The following AP3M1 variants were observed in gnomAD, a reference collection of about 807,000 sequenced individuals.
AP3M1 encodes the protein AP-3 complex subunit mu-1.
In AP3M1, 29 loss-of-function variants were observed where a neutral mutation model predicts 42.6. That is an observed-to-expected ratio of 0.68 (90% confidence interval 0.51 to 0.93). The LOEUF is 0.93. Among genes scored for constraint, AP3M1 ranks in the 40% least tolerant of loss-of-function variants. The pLI, the probability that AP3M1 is intolerant of heterozygous loss-of-function variation, is 0.00. For synonymous variants in AP3M1, 178 were observed against 175.3 expected (o/e 1.02, Z -0.12); for missense variants, 416 against 510.2 (o/e 0.82, Z 1.78).
In AP3M1 at chr10:74,134,022, A is replaced by G; in HGVS notation, c.583+5T>C. On this transcript the variant is annotated splice_donor_5th_base_variant and intron_variant, in intron 4 of 8. Transcript: ENST00000355264. ...CCCCAAATAAGATGACATGCACACA[A>G]TTACCTGATTTATCTATAATTGCGT... 1.9e-6 allele frequency: 3 copies of G among 1,613,700 alleles called. No individual in the cohort carries two copies. Among genetic ancestry groups the G allele is most frequent in the Non-Finnish European group, 2.5e-6 (3 of 1,179,746 alleles).
At chr10:74,147,770 G>A (rs1422904437) in intron 1 of AP3M1, among the ~76,000 whole-genome samples, 2 of 152,172 alleles carry the variant, frequency 1.3e-5, no homozygotes, top group East Asian at 1.9e-4. Context: ...GGAGGCTGAG[G>A]CGGGCAGATC....
chr10:74,144,367 C>T (rs944568560), intron 1 of AP3M1, among the ~76,000 whole-genome samples: 3 of 151,892 alleles, frequency 2.0e-5, no homozygotes, highest in Non-Finnish European at 4.4e-5. Flanking sequence ...AGAGCCCAAG[C>T]GATCCTCCCA....
At chr10:74,144,325 C>T (rs550568630) in intron 1 of AP3M1, among the ~76,000 whole-genome samples, 1 of 151,690 alleles carries the variant, frequency 6.6e-6, no homozygotes, top group East Asian at 1.9e-4. Context: ...AGTGCAGCTG[C>T]GTCATCTTGG....
intron 5 of AP3M1, 132 bp downstream of exon 5, chr10:74,129,773 ACT>A: frequency 1.5e-6 from 1 of 683,700 alleles, no homozygotes; most frequent in Non-Finnish European, 2.5e-6. Context: ...GTCTTAGGAA[ACT>A]CTGCTAGGAA....
intron 1 of AP3M1, among the ~76,000 whole-genome samples, chr10:74,139,928 A>G (rs1252470410): frequency 6.6e-6 from 1 of 151,866 alleles, no homozygotes; most frequent in Non-Finnish European, 1.5e-5. Context: ...AAAAAAAAAA[A>G]AAAATCCCAG....
At chr10:74,140,278 C>T (rs992492220) in intron 1 of AP3M1, among the ~76,000 whole-genome samples, 12 of 152,248 alleles carry the variant, frequency 7.9e-5, no homozygotes, top group African/African-American at 1.7e-4. Flanking sequence ...CCCACGTCCT[C>T]GTCTGCCTTG....
Position 74,129,998 on chromosome 10 carries a change from G to GA in AP3M1, c.584-7dup. ...TTCTGCAAAGACTGTAGATCCTGAAGAAAGAAAAAAAAAAGGAAGATAACA... is the reference window on the plus strand; with the variant it reads ...TTCTGCAAAGACTGTAGATCCTGAAGAAAAGAAAAAAAAAAGGAAGATAACA... On this transcript the variant is annotated splice_region_variant and splice_polypyrimidine_tract_variant and intron_variant, in intron 4 of 8. Transcript: ENST00000355264. 6.7e-7 allele frequency: 1 copy of GA among 1,494,862 alleles called. No homozygotes were observed. The highest frequency in any genetic ancestry group is 2.0e-5 in the Admixed American group (1 of 49,040). 92.6% of individuals were successfully genotyped at this position (1,494,862 alleles called of 1,614,324 possible). A position where few individuals can be genotyped will look rare whatever the true frequency, so the allele number is the denominator to read the frequency against.
At chr10:74,127,944 C>T (rs1226127015) in intron 6 of AP3M1, among the ~76,000 whole-genome samples, 2 of 150,188 alleles carry the variant, frequency 1.3e-5, no homozygotes, top group African/African-American at 4.9e-5. Context: ...CTACTAAAAA[C>T]ACAAAATTAG....
At chr10:74,128,680 G>A (rs1189668866) in intron 6 of AP3M1, among the ~76,000 whole-genome samples, 5 of 151,954 alleles carry the variant, frequency 3.3e-5, no homozygotes, top group African/African-American at 9.7e-5. Context: ...TAAGATTATG[G>A]CAATGGTTCA....
rs920595912 is a variant in AP3M1 at position 74,123,675 on chromosome 10, A to G, written c.*135T>C. 5.0e-5 allele frequency: 35 copies of G among 696,954 alleles called. No individual in the cohort carries two copies. In the Middle Eastern group the frequency reaches 7.4e-4, roughly 15 times the overall value. The allele number at this position is 696,954 out of a possible 1,614,324, so 43.2% of individuals were successfully genotyped here. On this transcript the variant is annotated 3_prime_UTR_variant, in exon 9 of 9. Coordinates refer to ENST00000355264, the MANE Select transcript of AP3M1 (RefSeq NM_012095.6). ...AAGAATCCTACATTGATAACTAAGT[A>G]ACTTTGTTAGCGGTGTGTAGCTAGA...
At chr10:74,124,693 T>C (rs1840564520) in intron 7 of AP3M1, among the ~76,000 whole-genome samples, 169 bp from the exon 8 acceptor site, 1 of 152,208 alleles carries the variant, frequency 6.6e-6, no homozygotes, top group African/African-American at 2.4e-5. Context: ...TCTGTGACTT[T>C]GAATGGGGAG....
In AP3M1 at chr10:74,121,891, A is replaced by C. The variant is rs1840473767; in HGVS notation, c.*1919T>G. 2 of 152,212 alleles carry C rather than the reference A, an allele frequency of 1.3e-5. No individual in the cohort carries two copies. Among genetic ancestry groups the C allele is most frequent in the African/African-American group, 2.4e-5 (1 of 41,446 alleles). 9.4% of individuals were successfully genotyped at this position (152,212 alleles called of 1,614,324 possible). On this transcript the variant is annotated 3_prime_UTR_variant, in exon 9 of 9. Coordinates refer to ENST00000355264, the MANE Select transcript of AP3M1 (RefSeq NM_012095.6). ...CATTCTACTTGGACATTTTAGTAGA[A>C]ATTGCTAGAGGGAAGGAGCTCCTGG...
chr10:74,127,943 A>C (rs910945845), intron 6 of AP3M1, among the ~76,000 whole-genome samples: 1 of 150,814 alleles, frequency 6.6e-6, no homozygotes, highest in Admixed American at 6.6e-5. Flanking sequence ...TCTACTAAAA[A>C]CACAAAATTA....
chr10:74,136,214 T>G (rs1840936153), intron 3 of AP3M1, among the ~76,000 whole-genome samples: 1 of 152,180 alleles, frequency 6.6e-6, no homozygotes, highest in African/African-American at 2.4e-5. Context: ...CGTCTTAAAT[T>G]TTCTATTCTC....
intron 7 of AP3M1, 90 bp from the exon 8 acceptor site, chr10:74,124,614 T>C: frequency 3.5e-6 from 4 of 1,153,522 alleles, no homozygotes; most frequent in Non-Finnish European, 4.8e-6. Context: ...TAAACTTCTG[T>C]ACAAACTGAA....
At chr10:74,142,564 C>T (rs750941464) in intron 1 of AP3M1, among the ~76,000 whole-genome samples, 11 of 152,154 alleles carry the variant, frequency 7.2e-5, no homozygotes, top group Non-Finnish European at 1.3e-4. Context: ...TTTAGGGTTC[C>T]TGTTTAATTA....
At position 74,136,783 on chromosome 10, in the gene AP3M1, T is replaced by A. The variant is rs780341399; in HGVS notation, c.294A>T (p.Ser98=). 2.0e-6 allele frequency: 3 copies of A among 1,532,370 alleles called. No individual in the cohort carries two copies. In the Admixed American group the frequency reaches 5.3e-5, roughly 27 times the overall value. The allele number at this position is 1,532,370 out of a possible 1,614,324, so 94.9% of individuals were successfully genotyped here. ...CCACATTATCCTTAATTGCAGCCTC[T>A]GAACACTCACCAAAGTAGTCCTGAC... The part of the protein sequence containing the change: ...DTFQDYFGEC[S]EAAIKDNVVI... Residue 98 remains serine (S), a synonymous_variant, in exon 3 of 9, where the codon TCA becomes TCT. Coordinates refer to ENST00000355264, the MANE Select transcript of AP3M1 (RefSeq NM_012095.6).
At chr10:74,147,114 C>T (rs1841354211) in intron 1 of AP3M1, among the ~76,000 whole-genome samples, 1 of 152,124 alleles carries the variant, frequency 6.6e-6, no homozygotes, top group Admixed American at 6.6e-5. Context: ...GAAATCCCAT[C>T]TCCACTAAAA....
intron 2 of AP3M1, among the ~76,000 whole-genome samples, chr10:74,137,648 G>A (rs1840987272): frequency 6.6e-6 from 1 of 152,166 alleles, no homozygotes; most frequent in African/African-American, 2.4e-5. Flanking sequence ...CAATTCTCAA[G>A]TCGCTGACAT....
Sources: gnomAD v4.1 joint callset for allele counts (sites outside exome capture counted in the v4.1 genomes callset) on GRCh38, gnomAD v4.1.1 for gene constraint, MANE v1.5 for transcripts, NCBI Gene and HGNC (gene_info 2026-07-23, HGNC 2026-07-21) for gene names.